The following DTNA variants were observed in gnomAD, a reference collection of about 807,000 sequenced individuals.
DTNA encodes the protein dystrobrevin alpha.
Under a neutral mutation model 100.7 loss-of-function variants are expected in DTNA, and 43 were observed. The observed-to-expected ratio is 0.43, with a 90% CI of 0.33 to 0.55. The LOEUF (loss-of-function observed/expected upper bound fraction) is 0.55, where lower values mean the gene tolerates loss of function less well. DTNA is among the 20% of genes least tolerant of loss of function. DTNA has a pLI of 0.04. For missense variants in DTNA, 798 were observed against 953.9 expected (o/e 0.84, Z 2.15); for synonymous variants, 349 against 347.9 (o/e 1.00, Z -0.04).
chr18:34,779,082 A>G (rs1396392550), intron 3 of DTNA, among the ~76,000 whole-genome samples: 1 of 152,146 alleles, frequency 6.6e-6, no homozygotes, highest in Non-Finnish European at 1.5e-5. Flanking sequence ...ATCACCCTCC[A>G]TGTGCCAGGT....
At chr18:34,582,239 G>A (rs34111530) in intron 1 of DTNA, among the ~76,000 whole-genome samples, 15,266 of 151,978 alleles carry the variant, frequency 0.1, 1,083 homozygotes, top group African/African-American at 0.2. Flanking sequence ...AAGATTGACT[G>A]CTACCCCCTA....
chr18:34,786,739 C>G (rs919266521), intron 3 of DTNA, among the ~76,000 whole-genome samples: 18 of 152,180 alleles, frequency 1.2e-4, no homozygotes, highest in African/African-American at 3.6e-4. Context: ...TTCCTGTTCT[C>G]CTAATTAAAG....
chr18:34,571,567 A>G (rs1010680315), intron 1 of DTNA, among the ~76,000 whole-genome samples: 1 of 151,786 alleles, frequency 6.6e-6, no homozygotes. Flanking sequence ...ACATAGAGAG[A>G]CTCCATCTTG....
intron 1 of DTNA, among the ~76,000 whole-genome samples, chr18:34,524,140 A>G (rs2042391121): frequency 6.6e-6 from 1 of 152,334 alleles, no homozygotes; most frequent in Admixed American, 6.5e-5. Flanking sequence ...ACTGCTCTTC[A>G]AAAACTATGA....
At position 34,791,155 on chromosome 18, in the gene DTNA, T is replaced by C. The variant is rs144067118; in HGVS notation, c.149-2882T>C. Among the ~76,000 whole-genome samples the C allele has an allele frequency of 7.9e-4, 120 of 152,278 alleles. No individual in the cohort carries two copies. In the East Asian group the frequency reaches 0.018, roughly 23 times the overall value. ...CCTGGATAATTCCACCACTGGGAAT[T>C]CTAAAAGGGTTTCCTATTCCTTACA... On this transcript the variant is annotated intron_variant, in intron 3 of 22. Transcript: ENST00000444659.
intron 21 of DTNA, among the ~76,000 whole-genome samples, chr18:34,882,866 C>A (rs751191170): frequency 3.3e-5 from 5 of 152,150 alleles, no homozygotes; most frequent in Non-Finnish European, 5.9e-5. Context: ...ATAAACCCAC[C>A]ACTTCCCTTG....
At chr18:34,624,456 T>C (rs923885833) in intron 1 of DTNA, among the ~76,000 whole-genome samples, 1 of 152,180 alleles carries the variant, frequency 6.6e-6, no homozygotes, top group Non-Finnish European at 1.5e-5. Flanking sequence ...CTAACTTACA[T>C]TTAAATCTAG....
chr18:34,583,365 T>C (rs1462231489), intron 1 of DTNA, among the ~76,000 whole-genome samples: 1 of 152,126 alleles, frequency 6.6e-6, no homozygotes, highest in African/African-American at 2.4e-5. Flanking sequence ...CTGAATTTGG[T>C]GGGATCATTT....
chr18:34,649,664 A>G (rs1046877562), intron 1 of DTNA, among the ~76,000 whole-genome samples: 2 of 152,190 alleles, frequency 1.3e-5, no homozygotes, highest in African/African-American at 4.8e-5. Context: ...TGCCAAACAC[A>G]TTAATGTTTA....
At chr18:34,579,341 AT>A (rs1161821365) in intron 1 of DTNA, among the ~76,000 whole-genome samples, 2 of 152,258 alleles carry the variant, frequency 1.3e-5, no homozygotes, top group East Asian at 3.9e-4. Context: ...ACAGATGGTA[AT>A]TTTTTAAAAG....
At chr18:34,555,893 G>A (rs2045980718) in intron 1 of DTNA, among the ~76,000 whole-genome samples, 1 of 151,988 alleles carries the variant, frequency 6.6e-6, no homozygotes, top group Non-Finnish European at 1.5e-5. Context: ...GGTCCGCTTG[G>A]TGCAGAGCTG....
chr18:34,566,323 TTAAG>T (rs374685881), intron 1 of DTNA, among the ~76,000 whole-genome samples: 138 of 151,692 alleles, frequency 9.1e-4, no homozygotes, highest in African/African-American at 3.1e-3. Context: ...GTTAAGCTGA[TTAAG>T]TAGTATGAAA....
intron 3 of DTNA, among the ~76,000 whole-genome samples, chr18:34,793,654 T>C (rs996728356): frequency 6.6e-6 from 1 of 152,152 alleles, no homozygotes; most frequent in African/African-American, 2.4e-5. Context: ...AATGGGGAAA[T>C]AACTTTTAAA....
At chr18:34,747,021 G>A (rs2091691834) in intron 1 of DTNA, among the ~76,000 whole-genome samples, 1 of 151,548 alleles carries the variant, frequency 6.6e-6, no homozygotes. Context: ...GAATACAAAT[G>A]GTCCTGTCAT....
chr18:34,817,752 C>G (rs1445132893), intron 7 of DTNA, among the ~76,000 whole-genome samples: 1 of 152,178 alleles, frequency 6.6e-6, no homozygotes, highest in Non-Finnish European at 1.5e-5. Context: ...GATATTCGCT[C>G]TCTTCCCACT....
intron 2 of DTNA, among the ~76,000 whole-genome samples, chr18:34,763,449 T>C (rs2093304818): frequency 6.6e-6 from 1 of 152,174 alleles, no homozygotes; most frequent in Non-Finnish European, 1.5e-5. Context: ...CAGATAAATA[T>C]GACGTCCTAC....
intron 1 of DTNA, among the ~76,000 whole-genome samples, chr18:34,611,351 T>G (rs2054172229): frequency 6.6e-6 from 1 of 152,180 alleles, no homozygotes; most frequent in Non-Finnish European, 1.5e-5. Context: ...TCACCTGTAA[T>G]GAAAATTTAA....
intron 1 of DTNA, among the ~76,000 whole-genome samples, chr18:34,559,752 G>T (rs2046463516): frequency 6.6e-6 from 1 of 152,128 alleles, no homozygotes; most frequent in African/African-American, 2.4e-5. Flanking sequence ...GTTTCCAGAG[G>T]TCTTTAGTAA....
chr18:34,636,335 G>A (rs987303641), intron 1 of DTNA, among the ~76,000 whole-genome samples: 3 of 152,000 alleles, frequency 2.0e-5, no homozygotes, highest in Non-Finnish European at 4.4e-5. Flanking sequence ...GGCTGGTCTC[G>A]AACTCCTGAC....
Sources: allele counts gnomAD v4.1 joint callset (sites outside exome capture counted in the v4.1 genomes callset), GRCh38; gene constraint gnomAD v4.1.1; transcripts MANE v1.5; gene names NCBI Gene and HGNC (gene_info 2026-07-23, HGNC 2026-07-21).